Variants in ATP10B observed in about 807,000 individuals in gnomAD.
ATP10B encodes the protein ATPase phospholipid transporting 10B (putative), also known as phospholipid-transporting ATPase VB.
In ATP10B, 122 loss-of-function variants were observed where a neutral mutation model predicts 141.2. That is an observed-to-expected ratio of 0.86 (90% CI 0.75 to 1.00). The LOEUF is 1.00. ATP10B is among the 50% of genes least tolerant of loss of function. The pLI is 0.00. For missense variants in ATP10B, 1,876 were observed against 1,825.3 expected, an observed-to-expected ratio of 1.03 and a Z score of -0.51; for synonymous variants, 685 against 692.0, an observed-to-expected ratio of 0.99 and a Z score of 0.16.
chr5:160,612,629 T>G, intron 18 of ATP10B, 112 bp downstream of exon 18: 1 of 845,136 alleles, frequency 1.2e-6, no homozygotes, highest in Non-Finnish European at 1.8e-6. Context: ...CTGTTGGGGG[T>G]TGGGTGCTTC....
chr5:160,639,633 G>A (rs1759676635), intron 10 of ATP10B, among the ~76,000 whole-genome samples: 1 of 152,138 alleles, frequency 6.6e-6, no homozygotes, highest in Non-Finnish European at 1.5e-5. Flanking sequence ...CAGAACTGCC[G>A]ATGCCCTGAC....
rs116169035 is a variant in ATP10B, at chr5:160,834,378, A to G, written c.-576+17563T>C. ...TGGTGATCAAACCAACAGTGCTTCT[A>G]ATAGGGCATAACATCTGATTCTTAT... On this transcript the variant is annotated intron_variant, in intron 1 of 25. Transcript: ENST00000327245. Among the ~76,000 whole-genome samples, 933 of 152,156 alleles carry G rather than the reference A, an allele frequency of 6.1e-3. 14 individuals are homozygous for G. Among genetic ancestry groups the G allele is most frequent in the African/African-American group, 0.022 (897 of 41,542 alleles).
At chr5:160,873,682 G>C in the ATP10B span, among the ~76,000 whole-genome samples, 2 of 152,206 alleles carry the variant, frequency 1.3e-5, no homozygotes, top group Non-Finnish European at 2.9e-5. Context: ...TGCACGCACT[G>C]TGCGCGAGCC....
In ATP10B at chr5:160,644,168, C is replaced by T. The variant is rs3749670; in HGVS notation, c.838G>A (p.Glu280Lys). ...TAGATGACAATGCCAACAGCCATCT[C>T]GGTGTTTCTGATGGTGCAGCCTCGA... ...LLRGCTIRNT[E>K]MAVGIVIYAG... The change falls in exon 9 of 26, where the codon GAG becomes AAG. Residue 280 changes from glutamate (E) to lysine (K), a missense_variant. By Grantham distance (56) the Glu-to-Lys change is moderately conservative (BLOSUM62 1). Transcript: ENST00000327245. 3.0e-5 allele frequency: 48 copies of T among 1,613,828 alleles called. No homozygotes were observed. The highest frequency in any genetic ancestry group is 5.0e-5 in the Admixed American group (3 of 59,996).
chr5:160,565,657 T>C lies in ATP10B; in HGVS notation c.4182A>G (p.Glu1394=). ...ATCTCTGTTCGTGGAGTACTGACTC[T>C]TCCACATGCTTCCTCTTGGGAGGGT... ...SSNPPKRKHV[E]ESVLHEQRCG... is the part of the protein sequence containing the mutation. The change falls in exon 26 of 26, where the codon GAA becomes GAG. Residue 1394 remains glutamate (E), a synonymous_variant. Coordinates refer to ENST00000327245, the MANE Select transcript of ATP10B (RefSeq NM_025153.3). 6.2e-7 allele frequency: 1 copy of C among 1,614,110 alleles called. No homozygotes were observed. The highest frequency in any genetic ancestry group is 8.5e-7 in the Non-Finnish European group (1 of 1,179,978).
chr5:160,810,390 TAAA>T (rs1773071598), intron 1 of ATP10B, among the ~76,000 whole-genome samples: 1 of 133,548 alleles, frequency 7.5e-6, no homozygotes, highest in Admixed American at 7.4e-5. Context: ...ATGAGATTTT[TAAA>T]AAGTTATCTT....
intron 23 of ATP10B, among the ~76,000 whole-genome samples, chr5:160,590,521 T>G (rs770773048): frequency 1.3e-5 from 2 of 151,424 alleles, no homozygotes; most frequent in Non-Finnish European, 2.9e-5. Context: ...GGAATCAAAC[T>G]GAGATTGGGC....
At chr5:160,670,314 T>C (rs1561730472) in intron 7 of ATP10B, 149 bp downstream of exon 7, 1 of 705,162 alleles carries the variant, frequency 1.4e-6, no homozygotes, top group South Asian at 1.7e-5. Context: ...AGAGGGCTGC[T>C]GGTAGGATTT....
intron 13 of ATP10B, among the ~76,000 whole-genome samples, chr5:160,625,123 A>G (rs969592541): frequency 1.3e-5 from 2 of 152,220 alleles, no homozygotes; most frequent in African/African-American, 4.8e-5. Flanking sequence ...GAGGAGACTG[A>G]TGCCCAAGGA....
intron 3 of ATP10B, among the ~76,000 whole-genome samples, chr5:160,702,484 A>C (rs578227215): frequency 1.3e-5 from 2 of 152,356 alleles, no homozygotes; most frequent in Non-Finnish European, 2.9e-5. Context: ...GTAATTAACA[A>C]TGTGTATGAT....
chr5:160,687,010 T>C (rs2127745916), intron 5 of ATP10B: 3 of 968,704 alleles, frequency 3.1e-6, no homozygotes, highest in Middle Eastern at 5.3e-4. Flanking sequence ...TGCCTTTGCA[T>C]GTACAGGTCT....
At chr5:160,650,137 C>T (rs1760614358) in intron 7 of ATP10B, among the ~76,000 whole-genome samples, 1 of 147,172 alleles carries the variant, frequency 6.8e-6, no homozygotes, top group African/African-American at 2.6e-5. Flanking sequence ...TATATATACA[C>T]ACACACACAC....
chr5:160,832,168 C>A (rs1385960819), intron 1 of ATP10B, among the ~76,000 whole-genome samples: 1 of 152,102 alleles, frequency 6.6e-6, no homozygotes, highest in Non-Finnish European at 1.5e-5. Flanking sequence ...TTATTATCAC[C>A]TTTTAAAATA....
rs1391301311 is a variant in ATP10B at position 160,723,112 on chromosome 5, A to G, written c.-330-6078T>C. ...ACATTTTCTAAGTCACAAATGGACA[A>G]GTATGTGTGTGTGAGATGAACAGTG... is the stretch of plus-strand genomic sequence containing the variant. On this transcript the variant is annotated intron_variant, in intron 2 of 25. Transcript: ENST00000327245. Among the ~76,000 whole-genome samples, 3 of 152,212 alleles carry G rather than the reference A, an allele frequency of 2.0e-5. No homozygotes were observed. The East Asian group carries it at 5.8e-4, about 29-fold the overall frequency.
intron 1 of ATP10B, among the ~76,000 whole-genome samples, chr5:160,789,175 G>A (rs1771390902): frequency 6.6e-6 from 1 of 152,156 alleles, no homozygotes; most frequent in African/African-American, 2.4e-5. Context: ...GAGGCATGTA[G>A]GCTGGGAATT....
intron 3 of ATP10B, among the ~76,000 whole-genome samples, chr5:160,703,796 G>T (rs968117554): frequency 6.6e-6 from 1 of 152,136 alleles, no homozygotes; most frequent in African/African-American, 2.4e-5. Context: ...AACTGATAAG[G>T]GGGGTGGTGA....
chr5:160,863,280 G>C, the ATP10B span, among the ~76,000 whole-genome samples: 1 of 151,908 alleles, frequency 6.6e-6, no homozygotes, highest in Admixed American at 6.6e-5. Flanking sequence ...CTAGAGAATG[G>C]TTACAACACA....
At chr5:160,667,901 A>T (rs1241506681) in intron 7 of ATP10B, among the ~76,000 whole-genome samples, 1 of 152,132 alleles carries the variant, frequency 6.6e-6, no homozygotes, top group East Asian at 1.9e-4. Context: ...GAGATTTATA[A>T]GTTTTACTGC....
the ATP10B span, among the ~76,000 whole-genome samples, chr5:160,858,868 A>G: frequency 1.3e-5 from 2 of 151,796 alleles, no homozygotes; most frequent in Non-Finnish European, 2.9e-5. Context: ...TTCCTAATTT[A>G]TAATATAATT....
Sources: allele counts gnomAD v4.1 joint callset (sites outside exome capture counted in the v4.1 genomes callset), GRCh38; gene constraint gnomAD v4.1.1; transcripts MANE v1.5; gene names NCBI Gene and HGNC (gene_info 2026-07-23, HGNC 2026-07-21).